The following UNC13C variants were observed in gnomAD, a reference collection of about 807,000 sequenced individuals.
UNC13C encodes the protein unc-13 homolog C.
Under a neutral mutation model 245.4 loss-of-function variants are expected in UNC13C, and 174 were observed. The observed-to-expected ratio is 0.71, with a 90% CI of 0.63 to 0.80. UNC13C has a LOEUF of 0.80. Ranked by LOEUF, UNC13C falls within the 30% of genes least tolerant of loss-of-function variation. UNC13C has a pLI of 0.00. For missense variants in UNC13C, 2,829 were observed against 2,602.9 expected (o/e 1.09, Z -1.89); for synonymous variants, 992 against 895.1 (o/e 1.11, Z -1.93).
chr15:54,574,253 A>G (rs1192501902), intron 30 of UNC13C, among the ~76,000 whole-genome samples: 2 of 152,170 alleles, frequency 1.3e-5, no homozygotes, highest in South Asian at 2.1e-4. Flanking sequence ...ACGACATGTT[A>G]TTTCTCCAAA....
At chr15:54,278,688 C>T (rs2140911890) in intron 10 of UNC13C, among the ~76,000 whole-genome samples, 1 of 152,202 alleles carries the variant, frequency 6.6e-6, no homozygotes, top group East Asian at 1.9e-4. Flanking sequence ...ACTTGCAAAG[C>T]ACATACTGGA....
chr15:54,126,306 A>G (rs2031034803), intron 2 of UNC13C, among the ~76,000 whole-genome samples: 1 of 152,146 alleles, frequency 6.6e-6, no homozygotes, highest in South Asian at 2.1e-4. Flanking sequence ...TACAAACATT[A>G]ATCTAATAAA....
chr15:53,882,829 G>A, the UNC13C span, among the ~76,000 whole-genome samples: 1 of 152,052 alleles, frequency 6.6e-6, no homozygotes, highest in African/African-American at 2.4e-5. Flanking sequence ...ACTGAGGATG[G>A]TACTATTATT....
chr15:54,624,593 CTTTAT>C (rs1219137926), intron 32 of UNC13C, among the ~76,000 whole-genome samples: 1 of 152,100 alleles, frequency 6.6e-6, no homozygotes, highest in African/African-American at 2.4e-5. Flanking sequence ...AGATTTACAT[CTTTAT>C]TTTGTTTGCT....
chr15:54,144,045 T>C (rs1410337541), intron 4 of UNC13C, among the ~76,000 whole-genome samples: 2 of 152,194 alleles, frequency 1.3e-5, no homozygotes, highest in African/African-American at 4.8e-5. Context: ...CTTAATGATA[T>C]ATGTACATGA....
In UNC13C at chr15:54,249,299, T is replaced by C. The variant is rs145182282; in HGVS notation, c.3229-926T>C. Among the ~76,000 whole-genome samples the C allele has an allele frequency of 2.2e-3, 338 of 152,256 alleles. 6 individuals are homozygous for C. The East Asian group carries it at 0.052, about 24-fold the overall frequency. ...TGCTTATTTGGTGTTTTGAAGCCTG[T>C]AGACTACTTCTGTTATCATTATATA... is the stretch of plus-strand genomic sequence containing the variant. On this transcript the variant is annotated intron_variant, in intron 7 of 32. Coordinates refer to ENST00000260323, the MANE Select transcript of UNC13C (RefSeq NM_001080534.3).
chr15:53,976,477 C>CTTTTTTTTTTTTTTTTTTTTTTTTTTTTT (rs10682648), upstream of UNC13C, among the ~76,000 whole-genome samples: 1 of 63,016 alleles, frequency 1.6e-5, no homozygotes, highest in Non-Finnish European at 2.8e-5. Context: ...CTCTCTCTCT[C>CTTTTTTTTTTTTTTTTTTTTTTTTTTTTT]TTTTTTTTTT....
chr15:54,181,625 ATTGCT>A (rs1463013329), intron 4 of UNC13C, among the ~76,000 whole-genome samples: 1 of 151,988 alleles, frequency 6.6e-6, no homozygotes, highest in African/African-American at 2.4e-5. Flanking sequence ...GAATCTGTAG[ATTGCT>A]TTGGGCAGTA....
intron 19 of UNC13C, among the ~76,000 whole-genome samples, chr15:54,451,367 G>C (rs899831192): frequency 1.3e-5 from 2 of 151,784 alleles, no homozygotes; most frequent in South Asian, 2.1e-4. Flanking sequence ...TTGTTAAATA[G>C]GTTTTTTTTA....
chr15:54,137,963 A>G (rs1254119410), intron 2 of UNC13C, among the ~76,000 whole-genome samples: 1 of 151,980 alleles, frequency 6.6e-6, no homozygotes, highest in African/African-American at 2.4e-5. Flanking sequence ...TTATCACTGT[A>G]TCCCTCTTAG....
At chr15:53,972,595 TA>T in the UNC13C span, 1 of 152,156 alleles carries the variant, frequency 6.6e-6, no homozygotes, top group Non-Finnish European at 1.5e-5. Context: ...ATATAGTTTC[TA>T]AAAACCTGTT....
Position 54,372,769 on chromosome 15 carries a change from G to T in UNC13C, c.4714-20279G>T, listed in dbSNP as rs74015184. 8.1e-3 allele frequency among the ~76,000 whole-genome samples: 1,241 copies of T among 152,310 alleles called. 21 individuals are homozygous for T. The highest frequency in any genetic ancestry group is 0.028 in the African/African-American group (1,176 of 41,554). On this transcript the variant is annotated intron_variant, in intron 17 of 32. Transcript: ENST00000260323. Reference sequence around the variant, plus strand: ...AATTGCATGCAGAAATTTCACCTAAGAATGCTCTAAAGCAGTGCTGGCCAA... The same window carrying T: ...AATTGCATGCAGAAATTTCACCTAATAATGCTCTAAAGCAGTGCTGGCCAA...
intron 4 of UNC13C, among the ~76,000 whole-genome samples, chr15:54,216,760 AT>A (rs1424920442): frequency 2.6e-5 from 4 of 151,926 alleles, no homozygotes; most frequent in Non-Finnish European, 5.9e-5. Flanking sequence ...TTTAAGTTTC[AT>A]TTTTCCCTTG....
chr15:54,148,586 A>C (rs1455319410), intron 4 of UNC13C, among the ~76,000 whole-genome samples: 1 of 152,164 alleles, frequency 6.6e-6, no homozygotes, highest in Non-Finnish European at 1.5e-5. Flanking sequence ...TCCACTTAGC[A>C]TAGAAGATAA....
At chr15:54,079,398 T>G (rs1441116586) in intron 2 of UNC13C, among the ~76,000 whole-genome samples, 1 of 152,150 alleles carries the variant, frequency 6.6e-6, no homozygotes, top group Non-Finnish European at 1.5e-5. Flanking sequence ...GTTTTTTTTA[T>G]GGACAGTATA....
chr15:54,216,810 T>C (rs1310631222), intron 4 of UNC13C, among the ~76,000 whole-genome samples: 1 of 151,920 alleles, frequency 6.6e-6, no homozygotes, highest in Non-Finnish European at 1.5e-5. Flanking sequence ...CTGAGGGTAA[T>C]TTTATATATT....
chr15:54,605,848 A>G (rs1340933172), intron 30 of UNC13C, among the ~76,000 whole-genome samples: 1 of 152,218 alleles, frequency 6.6e-6, no homozygotes, highest in Non-Finnish European at 1.5e-5. Context: ...TTCTCTCCGT[A>G]TAAACATCAT....
chr15:54,293,017 T>G (rs1000064019), intron 10 of UNC13C, among the ~76,000 whole-genome samples: 1 of 151,132 alleles, frequency 6.6e-6, no homozygotes, highest in African/African-American at 2.4e-5. Flanking sequence ...TATATACATA[T>G]ATAATATATG....
At chr15:54,589,052 A>G (rs1043369362) in intron 30 of UNC13C, among the ~76,000 whole-genome samples, 1 of 152,006 alleles carries the variant, frequency 6.6e-6, no homozygotes, top group African/African-American at 2.4e-5. Flanking sequence ...TCTTTCAGGA[A>G]TCTCCACACT....
Sources: gnomAD v4.1 joint callset for allele counts (sites outside exome capture counted in the v4.1 genomes callset) on GRCh38, gnomAD v4.1.1 for gene constraint, MANE v1.5 for transcripts, NCBI Gene and HGNC (gene_info 2026-07-23, HGNC 2026-07-21) for gene names.